PPFIA1: variants seen among roughly 807,000 people sequenced by gnomAD.
The protein encoded by PPFIA1 is liprin-alpha-1.
A neutral mutation model predicts 149.9 loss-of-function variants in PPFIA1; 25 were observed. The observed-to-expected ratio is 0.17, with a 90% CI of 0.12 to 0.23. The LOEUF (loss-of-function observed/expected upper bound fraction) is 0.23, where lower values mean the gene tolerates loss of function less well. Among genes scored for constraint, PPFIA1 ranks in the 10% least tolerant of loss-of-function variants. PPFIA1 has a pLI of 1.00. For synonymous variants in PPFIA1, 549 were observed against 552.8 expected (o/e 0.99, Z 0.10); for missense variants, 1,362 against 1,506.5 (o/e 0.90, Z 1.59).
Position 70,302,769 on chromosome 11 carries a change from ATT to A in PPFIA1, c.265-21614_265-21613del, listed in dbSNP as rs55897136. Among the ~76,000 whole-genome samples the A allele has an allele frequency of 6.3e-3, 801 of 127,888 alleles. 8 individuals are homozygous for A. Among genetic ancestry groups the A allele is most frequent in the African/African-American group, 0.018 (629 of 34,764 alleles). The allele number at this position is 127,888 out of a possible 152,430, so 83.9% of individuals were successfully genotyped here. Reference sequence around the variant, plus strand: ...TGTAGCCGTAGATACTCTCAACACCATTTTTTTTTTTTTTTTTTTTAAAGACA... The same window carrying A: ...TGTAGCCGTAGATACTCTCAACACCATTTTTTTTTTTTTTTTTTAAAGACA... On this transcript the variant is annotated intron_variant, in intron 2 of 27. Transcript: ENST00000253925.
intron 2 of PPFIA1, among the ~76,000 whole-genome samples, chr11:70,312,639 G>T (rs1372764907): frequency 6.6e-6 from 1 of 152,164 alleles, no homozygotes; most frequent in South Asian, 2.1e-4. Flanking sequence ...TGCCTGTGCC[G>T]CCTCAACATC....
At chr11:70,304,346 A>G (rs1364460653) in intron 2 of PPFIA1, among the ~76,000 whole-genome samples, 1 of 152,002 alleles carries the variant, frequency 6.6e-6, no homozygotes, top group Non-Finnish European at 1.5e-5. Flanking sequence ...AAAAAAAAAA[A>G]AATTAGAGAT....
At chr11:70,274,638 T>A (rs2050276885) in intron 2 of PPFIA1, among the ~76,000 whole-genome samples, 1 of 152,254 alleles carries the variant, frequency 6.6e-6, no homozygotes, top group African/African-American at 2.4e-5. Context: ...TTATTCTTTC[T>A]ACTGCTCACA....
At chr11:70,338,505 G>T in intron 13 of PPFIA1, 52 bp downstream of exon 13, 1 of 1,480,290 alleles carries the variant, frequency 6.8e-7, no homozygotes, top group East Asian at 2.3e-5. Context: ...TGGCAGGCCA[G>T]TTCTTGGCTA....
At chr11:70,286,469 T>C (rs1435683105) in intron 2 of PPFIA1, among the ~76,000 whole-genome samples, 1 of 152,208 alleles carries the variant, frequency 6.6e-6, no homozygotes, top group East Asian at 1.9e-4. Context: ...CAGGCTGGTC[T>C]TGAACTCCTG....
intron 26 of PPFIA1, among the ~76,000 whole-genome samples, chr11:70,379,624 AT>A (rs1358113307): frequency 8.6e-5 from 13 of 151,742 alleles, no homozygotes; most frequent in Admixed American, 5.9e-4. Context: ...AAAAAAAAAA[AT>A]AATAATTGAA....
chr11:70,375,420 T>A (rs2057453370), intron 24 of PPFIA1: 1 of 183,720 alleles, frequency 5.4e-6, no homozygotes. Flanking sequence ...TTTGTTTTTA[T>A]GGGTAATTGC....
At chr11:70,348,507 C>A in intron 16 of PPFIA1, 87 bp downstream of exon 16, 2 of 1,077,696 alleles carry the variant, frequency 1.9e-6, no homozygotes, top group South Asian at 1.5e-5. Flanking sequence ...ACAAGAAAAT[C>A]AAGTACATTC....
rs538868998 is a variant in PPFIA1 at position 70,272,858 on chromosome 11, G to GA, written c.264+432dup. 1.1e-3 allele frequency among the ~76,000 whole-genome samples: 163 copies of GA among 150,980 alleles called. 1 individual carries two copies. Among genetic ancestry groups the GA allele is most frequent in the African/African-American group, 3.2e-3 (132 of 41,350 alleles). On this transcript the variant is annotated intron_variant, in intron 2 of 27. Coordinates refer to ENST00000253925, the MANE Select transcript of PPFIA1 (RefSeq NM_003626.5). ...ATAGACAAATAGGATTGATTTCACG[G>GA]AAAAAAAAAATTATTTTGATAGCCC...
intron 10 of PPFIA1, 135 bp from the exon 11 acceptor site, chr11:70,335,428 C>T (rs1451211074): frequency 9.9e-7 from 1 of 1,011,962 alleles, no homozygotes; most frequent in Non-Finnish European, 1.4e-6. Flanking sequence ...CAAAAGTCCA[C>T]TCAAGATGGC....
intron 2 of PPFIA1, among the ~76,000 whole-genome samples, chr11:70,314,512 CAA>C (rs542435719): frequency 2.0e-5 from 3 of 151,254 alleles, no homozygotes; most frequent in African/African-American, 7.3e-5. Context: ...AAAATTAAAA[CAA>C]AAAAAAATTA....
At chr11:70,276,475 C>T (rs1337910963) in intron 2 of PPFIA1, among the ~76,000 whole-genome samples, 1 of 152,110 alleles carries the variant, frequency 6.6e-6, no homozygotes, top group Non-Finnish European at 1.5e-5. Context: ...GAAAGATTGA[C>T]TTATAATTTC....
intron 17 of PPFIA1, among the ~76,000 whole-genome samples, chr11:70,355,079 A>AT (rs1323868270): frequency 7.2e-5 from 11 of 151,756 alleles, no homozygotes; most frequent in South Asian, 4.2e-4. Context: ...TAATTTTTGT[A>AT]TTTTTAGTAA....
intron 2 of PPFIA1, among the ~76,000 whole-genome samples, chr11:70,296,536 G>C (rs1327546217): frequency 1.3e-5 from 2 of 152,044 alleles, no homozygotes; most frequent in Non-Finnish European, 2.9e-5. Context: ...ACGAAAACCA[G>C]TCAGGCGTGG....
intron 2 of PPFIA1, among the ~76,000 whole-genome samples, chr11:70,317,576 CAAAT>C (rs2136653090): frequency 6.6e-6 from 1 of 152,186 alleles, no homozygotes; most frequent in East Asian, 1.9e-4. Context: ...GTTTTAGAGG[CAAAT>C]CTAAAATCTG....
intron 7 of PPFIA1, among the ~76,000 whole-genome samples, chr11:70,328,345 G>A (rs551162484): frequency 6.6e-6 from 1 of 152,178 alleles, no homozygotes; most frequent in East Asian, 1.9e-4. Flanking sequence ...TTGTTTTTCT[G>A]TTTCTGTGTT....
In PPFIA1 at chr11:70,349,465, TTATC is replaced by T. The variant is rs1194057686; in HGVS notation, c.2163+1048_2163+1051del. Among the ~76,000 whole-genome samples, 29 of 152,298 alleles carry T rather than the reference TTATC, an allele frequency of 1.9e-4. No homozygotes were observed. In the East Asian group the frequency reaches 3.3e-3, roughly 17 times the overall value. On this transcript the variant is annotated intron_variant, in intron 16 of 27. Transcript: ENST00000253925. ...GGGCAACATAGTGAGAACCCCATCT[TTATC>T]TAAAAAAAAACCAAACTATCTTGTA...
chr11:70,285,048 C>T (rs978879821), intron 2 of PPFIA1, among the ~76,000 whole-genome samples: 2 of 151,938 alleles, frequency 1.3e-5, no homozygotes, highest in African/African-American at 4.8e-5. Context: ...ACACTGTTGC[C>T]CAAGCTGTAG....
intron 5 of PPFIA1, 54 bp from the exon 6 acceptor site, chr11:70,326,204 TTTAC>T: frequency 9.8e-7 from 1 of 1,017,330 alleles, no homozygotes. Context: ...TTTTGCTATC[TTTAC>T]TTATTTCTCT....
Sources: gnomAD v4.1 joint callset for allele counts (sites outside exome capture counted in the v4.1 genomes callset) on GRCh38, gnomAD v4.1.1 for gene constraint, MANE v1.5 for transcripts, NCBI Gene and HGNC (gene_info 2026-07-23, HGNC 2026-07-21) for gene names.